Variants in TRPC4AP observed in about 807,000 individuals in gnomAD.
TRPC4AP encodes the protein short transient receptor potential channel 4-associated protein.
Under a neutral mutation model 99.0 loss-of-function variants are expected in TRPC4AP, and 45 were observed. The ratio of observed to expected loss-of-function variants is 0.45; its 90% CI spans 0.36 to 0.58. The LOEUF (loss-of-function observed/expected upper bound fraction) is 0.58, where lower values mean the gene tolerates loss of function less well. TRPC4AP is among the 20% of genes least tolerant of loss of function. TRPC4AP has a pLI of 0.00. For synonymous variants in TRPC4AP, 408 were observed against 385.8 expected (o/e 1.06, Z -0.67); for missense variants, 879 against 985.3 (o/e 0.89, Z 1.44).
At chr20:35,072,658 AG>A (rs2145999424) in intron 2 of TRPC4AP, among the ~76,000 whole-genome samples, 1 of 152,300 alleles carries the variant, frequency 6.6e-6, no homozygotes, top group East Asian at 1.9e-4. Flanking sequence ...TTTTGGTAAT[AG>A]TACCATGCTG....
intron 6 of TRPC4AP, among the ~76,000 whole-genome samples, chr20:35,045,262 G>A (rs532832873): frequency 1.3e-5 from 2 of 152,280 alleles, no homozygotes; most frequent in Admixed American, 6.5e-5. Context: ...CATGCACAGT[G>A]TGAATGATAC....
chr20:35,016,260 G>C, intron 9 of TRPC4AP, 121 bp from the exon 10 acceptor site: 3 of 1,210,964 alleles, frequency 2.5e-6, no homozygotes, highest in Non-Finnish European at 3.5e-6. Flanking sequence ...TCAGTAAGGA[G>C]GGCCAGGGTC....
At chr20:35,092,095 G>T (rs2146062159) in intron 1 of TRPC4AP, among the ~76,000 whole-genome samples, 1 of 152,292 alleles carries the variant, frequency 6.6e-6, no homozygotes, top group African/African-American at 2.4e-5. Context: ...GACTAAGAAA[G>T]TAATGTAAAC....
chr20:35,036,688 T>G (rs1298245456), intron 7 of TRPC4AP, among the ~76,000 whole-genome samples: 1 of 152,102 alleles, frequency 6.6e-6, no homozygotes, highest in Non-Finnish European at 1.5e-5. Flanking sequence ...GGCTCATGCC[T>G]GTAATCCTAG....
chr20:35,086,139 G>A (rs557291756), intron 1 of TRPC4AP, among the ~76,000 whole-genome samples: 67 of 148,814 alleles, frequency 4.5e-4, no homozygotes, highest in South Asian at 3.0e-3. Context: ...TGTATTTTTA[G>A]TAAAGATGGA....
intron 8 of TRPC4AP, among the ~76,000 whole-genome samples, chr20:35,034,494 G>A (rs1020062224): frequency 3.3e-5 from 5 of 152,106 alleles, no homozygotes; most frequent in Non-Finnish European, 7.3e-5. Context: ...CATACTCACC[G>A]AGAACTTAGT....
chr20:35,041,584 C>T (rs1290844321), intron 7 of TRPC4AP, among the ~76,000 whole-genome samples: 1 of 152,156 alleles, frequency 6.6e-6, no homozygotes, highest in African/African-American at 2.4e-5. Flanking sequence ...CTGGGCTTTC[C>T]GTTCTCAGTT....
chr20:35,022,577 A>C (rs2082917851), intron 8 of TRPC4AP, among the ~76,000 whole-genome samples: 2 of 152,164 alleles, frequency 1.3e-5, no homozygotes, highest in African/African-American at 4.8e-5. Flanking sequence ...GTAACTGCCA[A>C]GGTCCTCTCA....
At chr20:35,069,439 C>T (rs1224321309) in intron 2 of TRPC4AP, 27 bp from the exon 3 acceptor site, 1 of 1,458,292 alleles carries the variant, frequency 6.9e-7, no homozygotes, top group Admixed American at 1.7e-5. Flanking sequence ...AAAGTACATA[C>T]ATTGTTTTAG....
Position 35,009,470 on chromosome 20 carries a change from C to T in TRPC4AP, c.1511+717G>A, listed in dbSNP as rs532305296. Among the ~76,000 whole-genome samples the T allele has an allele frequency of 1.1e-4, 15 of 137,936 alleles. No homozygotes were observed. In the South Asian group the frequency reaches 3.4e-3, roughly 31 times the overall value. 90.5% of individuals were successfully genotyped at this position (137,936 alleles called of 152,430 possible). A position where few individuals can be genotyped will look rare whatever the true frequency, so the allele number is the denominator to read the frequency against. ...CAGCCTGGGCAACATAGTGAGACCC[C>T]ATCTCTACAAAAAAAAAGTAAAAAC... is the stretch of plus-strand genomic sequence containing the variant. On this transcript the variant is annotated intron_variant, in intron 12 of 18. Transcript: ENST00000252015.
chr20:35,057,312 A>T (rs1734328651), intron 4 of TRPC4AP, among the ~76,000 whole-genome samples: 1 of 152,346 alleles, frequency 6.6e-6, no homozygotes, highest in South Asian at 2.1e-4. Flanking sequence ...GCATTCTCTT[A>T]ACCCAGATCT....
intron 8 of TRPC4AP, among the ~76,000 whole-genome samples, chr20:35,026,983 A>C (rs1320098196): frequency 6.6e-6 from 1 of 152,178 alleles, no homozygotes; most frequent in Non-Finnish European, 1.5e-5. Flanking sequence ...ATATAAGATC[A>C]TCCCATCTGT....
intron 1 of TRPC4AP, among the ~76,000 whole-genome samples, chr20:35,091,821 C>T (rs75971237): frequency 0.011 from 1,606 of 152,116 alleles, 41 homozygotes; most frequent in African/African-American, 0.037. Context: ...ACAATTGCCC[C>T]CTTTGATCTC....
chr20:35,089,735 G>A (rs1229354618), intron 1 of TRPC4AP, among the ~76,000 whole-genome samples: 1 of 152,102 alleles, frequency 6.6e-6, no homozygotes, highest in Non-Finnish European at 1.5e-5. Flanking sequence ...TGTAATCCCA[G>A]CTACTCAGGA....
chr20:35,086,575 G>A (rs62213724), intron 1 of TRPC4AP, among the ~76,000 whole-genome samples: 18,074 of 89,338 alleles, frequency 0.2, 3,924 homozygotes, highest in African/African-American at 0.33. Flanking sequence ...GTGTGTGTGT[G>A]TATATATATA....
intron 1 of TRPC4AP, among the ~76,000 whole-genome samples, chr20:35,083,290 G>A (rs8114191): frequency 0.014 from 2,130 of 152,074 alleles, 68 homozygotes; most frequent in African/African-American, 0.049. Context: ...ATGCAAGACG[G>A]CTACATAGAA....
intron 3 of TRPC4AP, among the ~76,000 whole-genome samples, chr20:35,064,261 C>A (rs1407048077): frequency 2.6e-5 from 4 of 152,182 alleles, no homozygotes; most frequent in Non-Finnish European, 4.4e-5. Flanking sequence ...TAGCTATAGG[C>A]CAATACTTAG....
intron 1 of TRPC4AP, among the ~76,000 whole-genome samples, chr20:35,087,261 C>G (rs2084912514): frequency 6.6e-6 from 1 of 150,614 alleles, no homozygotes; most frequent in Admixed American, 6.6e-5. Context: ...ATGGCATGAA[C>G]CTGGGAGGCG....
At position 35,006,432 on chromosome 20, in the gene TRPC4AP, T is replaced by C; in HGVS notation, c.1827+3A>G. 3 of 1,614,072 alleles carry C rather than the reference T, an allele frequency of 1.9e-6. No homozygotes were observed. The highest frequency in any genetic ancestry group is 2.5e-6 in the Non-Finnish European group (3 of 1,179,920). On this transcript the variant is annotated splice_donor_region_variant and intron_variant, in intron 15 of 18. Coordinates refer to ENST00000252015, the MANE Select transcript of TRPC4AP (RefSeq NM_015638.3). ...ACTCCACAGAGCCCTGGGTTAACTT[T>C]ACCTTTGCATCGGTGTTGATATATT...
Sources: allele counts gnomAD v4.1 joint callset (sites outside exome capture counted in the v4.1 genomes callset), GRCh38; gene constraint gnomAD v4.1.1; transcripts MANE v1.5; gene names NCBI Gene and HGNC (gene_info 2026-07-23, HGNC 2026-07-21).